The following NIPA2 variants were observed in gnomAD, a reference collection of about 807,000 sequenced individuals.
The protein encoded by NIPA2 is magnesium transporter NIPA2.
NIPA2 carries 11 observed loss-of-function variants against 29.7 expected under a neutral mutation model. The ratio of observed to expected loss-of-function variants is 0.37; its 90% CI spans 0.23 to 0.61. The LOEUF (loss-of-function observed/expected upper bound fraction) is 0.61, where lower values mean the gene tolerates loss of function less well. NIPA2 is among the 20% of genes least tolerant of loss of function. The pLI, the probability that NIPA2 is intolerant of heterozygous loss-of-function variation, is 0.66. For synonymous variants in NIPA2, 183 were observed against 161.9 expected (o/e 1.13, Z -0.99); for missense variants, 426 against 437.9 (o/e 0.97, Z 0.24).
Position 22,866,755 on chromosome 15 carries a change from C to T in NIPA2, c.991C>T (p.Leu331Phe). 6.2e-7 allele frequency: 1 copy of T among 1,613,716 alleles called. No homozygotes were observed. The highest frequency in any genetic ancestry group is 1.1e-5 in the South Asian group (1 of 91,058). ...CAATCTCTCTAATATGTATGAAGTT[C>T]TTAATAATAATGAAGAAAGCTTAAC... ...NGNLSNMYEV[L>F]NNNEESLTCG... is the part of the protein sequence containing the mutation. The change falls in exon 8 of 8, where the codon CTT becomes TTT. Residue 331 changes from leucine (L) to phenylalanine (F), a missense_variant. By Grantham distance (22) the Leu-to-Phe change is conservative (BLOSUM62 0). Coordinates refer to ENST00000337451, the MANE Select transcript of NIPA2 (RefSeq NM_030922.7).
At chr15:22,850,602 T>G (rs2057662786) in intron 3 of NIPA2, among the ~76,000 whole-genome samples, 1 of 152,258 alleles carries the variant, frequency 6.6e-6, no homozygotes, top group African/African-American at 2.4e-5. Flanking sequence ...ATCTCTTGTC[T>G]GTCTTCCTTG....
chr15:22,858,696 T>C, intron 6 of NIPA2, 66 bp downstream of exon 6: 1 of 931,236 alleles, frequency 1.1e-6, no homozygotes, highest in Non-Finnish European at 1.6e-6. Flanking sequence ...TTCAGTACCA[T>C]CTAATTAAAT....
At chr15:22,843,732 C>T (rs983778524) in intron 2 of NIPA2, among the ~76,000 whole-genome samples, 5 of 151,730 alleles carry the variant, frequency 3.3e-5, no homozygotes, top group Non-Finnish European at 5.9e-5. Context: ...CTCACTGCAA[C>T]CTCCACCTCC....
intron 1 of NIPA2, 161 bp downstream of exon 1, chr15:22,839,082 C>G (rs557532398): frequency 4.6e-5 from 7 of 152,206 alleles, no homozygotes; most frequent in Non-Finnish European, 7.3e-5. Flanking sequence ...CACCGTGAAT[C>G]GGATTGCCGT....
At chr15:22,843,493 G>A (rs912795227) in intron 2 of NIPA2, among the ~76,000 whole-genome samples, 4 of 144,522 alleles carry the variant, frequency 2.8e-5, no homozygotes, top group East Asian at 2.1e-4. Context: ...GGGACAGAGC[G>A]AGACTCCATC....
At position 22,866,442 on chromosome 15, in the gene NIPA2, C is replaced by G. The variant is rs759629059; in HGVS notation, c.678C>G (p.Ile226Met). 1.9e-6 allele frequency: 3 copies of G among 1,613,940 alleles called. No individual in the cohort carries two copies. The African/African-American group carries it at 4.0e-5, about 22-fold the overall frequency. The change falls in exon 8 of 8, where the codon ATC becomes ATG. Residue 226 changes from isoleucine (I) to methionine (M), a missense_variant. Physicochemically the swap from Ile to Met is conservative, Grantham distance 10 (BLOSUM62 1). This residue lies in a region of NIPA2 where 357 missense variants were observed against 339.8 expected (regional missense o/e 1.05). Transcript: ENST00000337451. Reference protein sequence around the residue: ...PLAWILLLSLIVCVSTQINYL... With the variant: ...PLAWILLLSLMVCVSTQINYL... ...CTTGGATTCTGCTGCTGAGCCTCAT[C>G]GTCTGTGTGAGCACACAGATTAATT...
chr15:22,846,690 C>G (rs1030982444), intron 3 of NIPA2, among the ~76,000 whole-genome samples: 9 of 151,802 alleles, frequency 5.9e-5, no homozygotes, highest in African/African-American at 2.2e-4. Context: ...GTGTTGCACA[C>G]TTATGGTCCC....
intron 6 of NIPA2, 23 bp from the exon 7 acceptor site, chr15:22,860,606 A>ATT (rs775841219): frequency 6.7e-7 from 1 of 1,494,082 alleles, no homozygotes; most frequent in Admixed American, 2.5e-5. Flanking sequence ...AAAGTTCTCA[A>ATT]TTTTTTTTCC....
chr15:22,840,589 C>T (rs1335733614), intron 2 of NIPA2, among the ~76,000 whole-genome samples: 3 of 152,128 alleles, frequency 2.0e-5, no homozygotes, highest in African/African-American at 7.2e-5. Flanking sequence ...CGTGAGCCAC[C>T]GCGCCCGACC....
At chr15:22,865,718 C>T (rs765577917) in intron 7 of NIPA2, among the ~76,000 whole-genome samples, 14 of 152,154 alleles carry the variant, frequency 9.2e-5, no homozygotes, top group Non-Finnish European at 1.8e-4. Context: ...AACCAGAACC[C>T]CAGTAGTATC....
At chr15:22,855,249 A>C (rs1486077627) in intron 5 of NIPA2, among the ~76,000 whole-genome samples, 1 of 16,246 alleles carries the variant, frequency 6.2e-5, no homozygotes, top group Non-Finnish European at 1.2e-4. Context: ...CGTCTCTAGT[A>C]AAAAAAAAAA....
intron 5 of NIPA2, among the ~76,000 whole-genome samples, chr15:22,857,553 C>T (rs1447849780): frequency 6.7e-6 from 1 of 148,764 alleles, no homozygotes; most frequent in Non-Finnish European, 1.5e-5. Context: ...TTAAAAAGAG[C>T]AAGCTGGGCA....
intron 7 of NIPA2, among the ~76,000 whole-genome samples, chr15:22,863,705 A>G (rs567250025): frequency 6.6e-6 from 1 of 152,230 alleles, no homozygotes; most frequent in Admixed American, 6.5e-5. Flanking sequence ...CCAAATTCCA[A>G]CTTGTTTTTA....
In NIPA2 at chr15:22,866,889, G is replaced by T; in HGVS notation, c.*42G>T. ...GGTTAATCTGTGATTGTTATGAAGT[G>T]AATTTGAATATCATCAGAATGTGTC... On this transcript the variant is annotated 3_prime_UTR_variant, in exon 8 of 8. Coordinates refer to ENST00000337451, the MANE Select transcript of NIPA2 (RefSeq NM_030922.7). The T allele has an allele frequency of 6.7e-7, 1 of 1,486,286 alleles. No homozygotes were observed. The highest frequency in any genetic ancestry group is 9.1e-7 in the Non-Finnish European group (1 of 1,103,778). 92.1% of individuals were successfully genotyped at this position (1,486,286 alleles called of 1,614,324 possible). A position where few individuals can be genotyped will look rare whatever the true frequency, so the allele number is the denominator to read the frequency against.
intron 3 of NIPA2, among the ~76,000 whole-genome samples, chr15:22,845,780 C>A (rs759886627): frequency 6.6e-6 from 1 of 151,930 alleles, no homozygotes; most frequent in Non-Finnish European, 1.5e-5. Context: ...GGGGGACTCT[C>A]GAAAGCCATA....
chr15:22,840,295 TTTTTTTG>T (rs1896684916), intron 2 of NIPA2, among the ~76,000 whole-genome samples: 1 of 143,152 alleles, frequency 7.0e-6, no homozygotes, highest in African/African-American at 2.6e-5. Context: ...ATATAGTTTT[TTTTTTTG>T]TTTTTTTTTT....
At chr15:22,863,153 A>G (rs1290485172) in intron 7 of NIPA2, among the ~76,000 whole-genome samples, 3 of 149,866 alleles carry the variant, frequency 2.0e-5, no homozygotes, top group Non-Finnish European at 3.0e-5. Context: ...GTCTCGGCTC[A>G]TTGCTCCCTC....
At chr15:22,852,025 T>C (rs1012193482) in intron 4 of NIPA2, among the ~76,000 whole-genome samples, 155 bp downstream of exon 4, 7 of 152,206 alleles carry the variant, frequency 4.6e-5, no homozygotes, top group Non-Finnish European at 1.0e-4. Context: ...TGTTTGGTTA[T>C]TTATATTGAG....
At position 22,867,519 on chromosome 15, in the gene NIPA2, C is replaced by G. The variant is rs1396122423; in HGVS notation, c.*672C>G. ...AGCCAGCACATCCTGCCTGCTGTTG[C>G]AGCCTGGCTGGGTTTATTCTTCAGT... On this transcript the variant is annotated 3_prime_UTR_variant, in exon 8 of 8. Transcript: ENST00000337451. 3.8e-6 allele frequency: 1 copy of G among 263,914 alleles called. No homozygotes were observed. Among genetic ancestry groups the G allele is most frequent in the South Asian group, 1.7e-4 (1 of 5,830 alleles). The allele number at this position is 263,914 out of a possible 1,614,324, so 16.3% of individuals were successfully genotyped here. A position where few individuals can be genotyped will look rare whatever the true frequency, so the allele number is the denominator to read the frequency against.
Sources: allele counts gnomAD v4.1 joint callset (sites outside exome capture counted in the v4.1 genomes callset), GRCh38; gene constraint gnomAD v4.1.1; regional missense constraint gnomAD v4.1.1; transcripts MANE v1.5; gene names NCBI Gene and HGNC (gene_info 2026-07-23, HGNC 2026-07-21).